Variants in ST8SIA2 observed in about 807,000 individuals in gnomAD.
ST8SIA2 encodes alpha-2,8-sialyltransferase 8B.
ST8SIA2 carries 22 observed loss-of-function variants against 37.6 expected under a neutral mutation model. That is an observed-to-expected ratio of 0.58 (90% CI 0.42 to 0.83). The LOEUF is 0.83. ST8SIA2 is among the 40% of genes least tolerant of loss of function. The probability of loss-of-function intolerance (pLI) is 0.00; values close to 1 mark genes in which losing one functional copy is unlikely to be tolerated. For synonymous variants in ST8SIA2, 205 were observed against 201.2 expected (o/e 1.02, Z -0.16); for missense variants, 382 against 484.7 (o/e 0.79, Z 1.99).
At chr15:92,413,917 G>A (rs1441526890) in intron 1 of ST8SIA2, among the ~76,000 whole-genome samples, 1 of 152,216 alleles carries the variant, frequency 6.6e-6, no homozygotes, top group Non-Finnish European at 1.5e-5. Flanking sequence ...ATTGCCCTCA[G>A]GGCACCGTCT....
At position 92,437,589 on chromosome 15, in the gene ST8SIA2, C is replaced by G. The variant is rs539139241; in HGVS notation, c.291-764C>G. On this transcript the variant is annotated intron_variant, in intron 3 of 5. Coordinates refer to ENST00000268164, the MANE Select transcript of ST8SIA2 (RefSeq NM_006011.4). ...TCCCCCCATAAACACTAGAGAGCAACTAGAGGGGGCAGCAAGGGGACGTGC... is the reference window on the plus strand; with the variant it reads ...TCCCCCCATAAACACTAGAGAGCAAGTAGAGGGGGCAGCAAGGGGACGTGC... Among the ~76,000 whole-genome samples, 10 of 152,096 alleles carry G rather than the reference C, an allele frequency of 6.6e-5. No homozygotes were observed. In the South Asian group the frequency reaches 1.5e-3, roughly 22 times the overall value.
chr15:92,448,312 G>C (rs376064268), intron 5 of ST8SIA2, among the ~76,000 whole-genome samples: 1 of 152,352 alleles, frequency 6.6e-6, no homozygotes, highest in African/African-American at 2.4e-5. Flanking sequence ...ACTCTGCAGG[G>C]TGCTGGGTCT....
chr15:92,451,115 C>A (rs186438098), intron 5 of ST8SIA2, among the ~76,000 whole-genome samples: 2 of 152,170 alleles, frequency 1.3e-5, no homozygotes, highest in South Asian at 4.1e-4. Context: ...AAAAGAGGAA[C>A]TTGATGCTCA....
At chr15:92,453,004 G>A (rs1175713982) in intron 5 of ST8SIA2, among the ~76,000 whole-genome samples, 3 of 151,946 alleles carry the variant, frequency 2.0e-5, no homozygotes, top group Non-Finnish European at 2.9e-5. Flanking sequence ...CTGCTCGCAC[G>A]GTGTACTTAT....
At chr15:92,409,072 C>T (rs933129730) in intron 1 of ST8SIA2, among the ~76,000 whole-genome samples, 5 of 152,302 alleles carry the variant, frequency 3.3e-5, no homozygotes, top group Admixed American at 2.6e-4. Flanking sequence ...GAAAGACCAG[C>T]CCACAGTTTA....
At chr15:92,454,954 T>C (rs16946932) in intron 5 of ST8SIA2, among the ~76,000 whole-genome samples, 4,954 of 151,906 alleles carry the variant, frequency 0.033, 294 homozygotes, top group African/African-American at 0.11. Flanking sequence ...AGACAAGGCC[T>C]GTGAATTGGT....
intron 1 of ST8SIA2, among the ~76,000 whole-genome samples, chr15:92,394,651 T>G (rs2049416764): frequency 6.6e-6 from 1 of 152,074 alleles, no homozygotes; most frequent in South Asian, 2.1e-4. Context: ...AGGGCGGGGT[T>G]CTGCATGGGC....
intron 1 of ST8SIA2, among the ~76,000 whole-genome samples, chr15:92,426,292 G>A (rs777794556): frequency 2.4e-4 from 37 of 152,148 alleles, no homozygotes; most frequent in Admixed American, 1.4e-3. Flanking sequence ...TTGGAAGGGA[G>A]GCACCGATGC....
At chr15:92,433,038 G>A (rs1482809229) in intron 2 of ST8SIA2, among the ~76,000 whole-genome samples, 2 of 152,026 alleles carry the variant, frequency 1.3e-5, no homozygotes, top group Non-Finnish European at 2.9e-5. Flanking sequence ...GCTGAGGCAG[G>A]AGAATTGCTT....
chr15:92,415,948 C>T (rs2049583110), intron 1 of ST8SIA2, among the ~76,000 whole-genome samples: 1 of 152,108 alleles, frequency 6.6e-6, no homozygotes, highest in Admixed American at 6.5e-5. Flanking sequence ...GCTGAAGGGG[C>T]AGTTCAGAAA....
chr15:92,428,629 A>G (rs1297087690), intron 1 of ST8SIA2, among the ~76,000 whole-genome samples: 1 of 152,210 alleles, frequency 6.6e-6, no homozygotes, highest in Non-Finnish European at 1.5e-5. Context: ...CCGGACCCCA[A>G]CATGGAAGTA....
chr15:92,461,037 A>C (rs3784726), intron 5 of ST8SIA2, among the ~76,000 whole-genome samples: 8,870 of 152,224 alleles, frequency 0.058, 539 homozygotes, highest in East Asian at 0.33. Flanking sequence ...GTTTGGAGAG[A>C]GAGAAAGGGG....
intron 5 of ST8SIA2, among the ~76,000 whole-genome samples, chr15:92,450,407 A>T (rs767841680): frequency 6.6e-6 from 1 of 152,262 alleles, no homozygotes; most frequent in Non-Finnish European, 1.5e-5. Flanking sequence ...GTCTGTTTTC[A>T]CACTGCTATA....
intron 1 of ST8SIA2, among the ~76,000 whole-genome samples, chr15:92,408,892 G>C (rs2141807330): frequency 6.6e-6 from 1 of 151,924 alleles, no homozygotes; most frequent in East Asian, 1.9e-4. Flanking sequence ...TTTGGGTAGA[G>C]GCGGGGTTTC....
intron 4 of ST8SIA2, among the ~76,000 whole-genome samples, chr15:92,439,038 A>G (rs2049781477): frequency 6.6e-6 from 1 of 152,182 alleles, no homozygotes; most frequent in African/African-American, 2.4e-5. Flanking sequence ...CGGTTAAATC[A>G]TTGGGTGAAA....
In ST8SIA2 at chr15:92,394,057, A is replaced by G. The variant is rs2049410724; in HGVS notation, c.-8A>G. On this transcript the variant is annotated 5_prime_UTR_variant, in exon 1 of 6. Coordinates refer to ENST00000268164, the MANE Select transcript of ST8SIA2 (RefSeq NM_006011.4). ...GCCCGCGTGGGTCCCGGCGGGCGCG[A>G]ACCCACCATGCAGCTGCAGTTCCGG... is the stretch of plus-strand genomic sequence containing the variant. The G allele has an allele frequency of 6.5e-7, 1 of 1,547,326 alleles. No individual in the cohort carries two copies. The highest frequency in any genetic ancestry group is 8.7e-7 in the Non-Finnish European group (1 of 1,145,208).
At chr15:92,404,541 G>T (rs1420865142) in intron 1 of ST8SIA2, among the ~76,000 whole-genome samples, 6 of 151,974 alleles carry the variant, frequency 3.9e-5, no homozygotes, top group Non-Finnish European at 7.4e-5. Context: ...GAAAGCAGGG[G>T]CCAGGTGTGG....
chr15:92,453,142 A>G (rs1270922660), intron 5 of ST8SIA2, among the ~76,000 whole-genome samples: 2 of 152,120 alleles, frequency 1.3e-5, no homozygotes, highest in East Asian at 1.9e-4. Flanking sequence ...AAATCCACGT[A>G]TATAGGCATC....
rs538397340 is a variant in ST8SIA2, at chr15:92,449,526, G to C, written c.842+4597G>C. Among the ~76,000 whole-genome samples the C allele has an allele frequency of 3.3e-5, 5 of 152,334 alleles. No homozygotes were observed. In the South Asian group the frequency reaches 1.0e-3, roughly 32 times the overall value. On this transcript the variant is annotated intron_variant, in intron 5 of 5. Transcript: ENST00000268164. ...TTGTTTTCTTTTGGATACTCATCCA[G>C]TAATGGGATTGCTGGGTGGAATAGT...
Sources: gnomAD v4.1 joint callset for allele counts (sites outside exome capture counted in the v4.1 genomes callset) on GRCh38, gnomAD v4.1.1 for gene constraint, MANE v1.5 for transcripts, NCBI Gene and HGNC (gene_info 2026-07-23, HGNC 2026-07-21) for gene names.